ITPR1: variants seen among roughly 807,000 people sequenced by gnomAD.
ITPR1 encodes inositol 1,4,5-trisphosphate receptor type 1.
A neutral mutation model predicts 318.4 loss-of-function variants in ITPR1; 96 were observed. The ratio of observed to expected loss-of-function variants is 0.30; its 90% confidence interval spans 0.26 to 0.36. The LOEUF is 0.36. Ranked by LOEUF, ITPR1 falls within the 10% of genes least tolerant of loss-of-function variation. ITPR1 has a pLI of 1.00. For missense variants in ITPR1, 2,440 were observed against 3,460.2 expected (o/e 0.71, Z 7.40); for synonymous variants, 1,312 against 1,289.9 (o/e 1.02, Z -0.37).
intron 4 of ITPR1, among the ~76,000 whole-genome samples, chr3:4,576,916 T>C (rs1168646015): frequency 1.4e-4 from 22 of 152,228 alleles, no homozygotes; most frequent in East Asian, 1.9e-4. Flanking sequence ...TAAACACTTA[T>C]TTGTTTATTC....
chr3:4,685,784 C>G (rs1226122963), intron 30 of ITPR1, among the ~76,000 whole-genome samples: 2 of 152,212 alleles, frequency 1.3e-5, no homozygotes, highest in Non-Finnish European at 2.9e-5. Flanking sequence ...AGCAGGCTGA[C>G]AGTGCTTTGC....
chr3:4,635,258 T>A (rs962261104), intron 5 of ITPR1, among the ~76,000 whole-genome samples: 2 of 152,250 alleles, frequency 1.3e-5, no homozygotes, highest in Admixed American at 1.3e-4. Flanking sequence ...GTCAATGTTA[T>A]GTTGAGTGAA....
chr3:4,663,149 C>T lies in ITPR1; in HGVS notation c.1497C>T (p.Phe499=), dbSNP rs778521012. The T allele has an allele frequency of 3.2e-5, 52 of 1,613,700 alleles. No homozygotes were observed. In the South Asian group the frequency reaches 5.2e-4, roughly 16 times the overall value. ...NSGQDVLEVV[F]SKPNRERQKL... ...GTCAAGATGTTCTCGAAGTTGTCTT[C>T]TCCAAGCCCAACAGAGAACGGCAGA... The change falls in exon 16 of 62, where the codon TTC becomes TTT. Residue 499 remains phenylalanine, a synonymous_variant. Transcript: ENST00000649015.
At chr3:4,665,749 T>C (rs1285757053) in intron 17 of ITPR1, among the ~76,000 whole-genome samples, 2 of 152,202 alleles carry the variant, frequency 1.3e-5, no homozygotes, top group African/African-American at 4.8e-5. Flanking sequence ...ATCTTATACA[T>C]AGTTATATTT....
intron 34 of ITPR1, among the ~76,000 whole-genome samples, chr3:4,699,479 A>G (rs2094609526): frequency 1.3e-5 from 2 of 152,182 alleles, no homozygotes; most frequent in South Asian, 4.1e-4. Context: ...GTTTTCTTTT[A>G]GGGGAAATTT....
intron 4 of ITPR1, among the ~76,000 whole-genome samples, chr3:4,610,304 C>T (rs543614522): frequency 1.3e-5 from 2 of 152,046 alleles, no homozygotes; most frequent in African/African-American, 2.4e-5. Flanking sequence ...TGATGACACT[C>T]GGGGACCAGG....
At chr3:4,717,455 C>T in intron 40 of ITPR1, 56 bp downstream of exon 40, 1 of 1,357,852 alleles carries the variant, frequency 7.4e-7, no homozygotes, top group South Asian at 1.2e-5. Context: ...TTCCGTGACA[C>T]CTTCCCAGTT....
intron 40 of ITPR1, among the ~76,000 whole-genome samples, chr3:4,721,998 T>G (rs1037489160): frequency 3.3e-5 from 5 of 152,220 alleles, no homozygotes; most frequent in African/African-American, 1.2e-4. Context: ...GCTGGGTACA[T>G]TATGTGTTGC....
At chr3:4,536,678 C>T (rs576820538) in intron 4 of ITPR1, among the ~76,000 whole-genome samples, 1 of 152,258 alleles carries the variant, frequency 6.6e-6, no homozygotes, top group African/African-American at 2.4e-5. Context: ...GATCACTGTG[C>T]CCAAATAATT....
At chr3:4,761,239 T>A (rs888559942) in intron 44 of ITPR1, among the ~76,000 whole-genome samples, 2 of 152,168 alleles carry the variant, frequency 1.3e-5, no homozygotes, top group Admixed American at 6.5e-5. Flanking sequence ...GTGGTGAACA[T>A]TGTACCCAAG....
intron 24 of ITPR1, among the ~76,000 whole-genome samples, chr3:4,680,324 C>A (rs987403867): frequency 1.3e-5 from 2 of 152,142 alleles, no homozygotes; most frequent in African/African-American, 4.8e-5. Context: ...TGCCAGGATG[C>A]TGAAGCTTAC....
intron 2 of ITPR1, among the ~76,000 whole-genome samples, chr3:4,509,672 C>G (rs931461081): frequency 1.3e-5 from 2 of 152,134 alleles, no homozygotes; most frequent in Admixed American, 1.3e-4. Context: ...TGGTACGCAC[C>G]GGTAGTTCTA....
Position 4,669,776 on chromosome 3 carries a change from G to T in ITPR1, c.2006+3G>T. On this transcript the variant is annotated splice_donor_region_variant and intron_variant, in intron 19 of 61. Coordinates refer to ENST00000649015, the MANE Select transcript of ITPR1 (RefSeq NM_001378452.1). ...GCTGACATCCTGATTGAGACCAAGT[G>T]AGTGGGGAGCCAGGGTTTAGATGGA... is the stretch of plus-strand genomic sequence containing the variant. The T allele has an allele frequency of 6.2e-7, 1 of 1,607,362 alleles. No individual in the cohort carries two copies. The highest frequency in any genetic ancestry group is 1.1e-5 in the South Asian group (1 of 89,894).
At chr3:4,712,043 A>C (rs1559750959) in intron 39 of ITPR1, among the ~76,000 whole-genome samples, 175 bp downstream of exon 39, 2 of 152,242 alleles carry the variant, frequency 1.3e-5, no homozygotes, top group Non-Finnish European at 2.9e-5. Flanking sequence ...GCTAAATCAT[A>C]TGACTGTCTT....
chr3:4,593,624 A>G (rs898598064), intron 4 of ITPR1, among the ~76,000 whole-genome samples: 7 of 152,332 alleles, frequency 4.6e-5, no homozygotes, highest in African/African-American at 1.4e-4. Flanking sequence ...GGAGAATACA[A>G]AAATAAGAGG....
At chr3:4,717,247 C>G (rs2041837715) in intron 39 of ITPR1, 120 bp from the exon 40 acceptor site, 1 of 857,142 alleles carries the variant, frequency 1.2e-6, no homozygotes, top group South Asian at 1.6e-5. Context: ...GGATGGTTAC[C>G]CATCTAGCAA....
intron 4 of ITPR1, among the ~76,000 whole-genome samples, chr3:4,586,545 T>C (rs368038006): frequency 1.3e-5 from 2 of 148,560 alleles, no homozygotes. Context: ...GGTCTTGCTC[T>C]GTCACCCAGG....
chr3:4,538,155 A>G (rs1179972481), intron 4 of ITPR1, among the ~76,000 whole-genome samples: 1 of 152,232 alleles, frequency 6.6e-6, no homozygotes, highest in Non-Finnish European at 1.5e-5. Context: ...ATCTTAATCT[A>G]TAAATTCCCT....
intron 15 of ITPR1, among the ~76,000 whole-genome samples, 176 bp downstream of exon 15, chr3:4,662,418 T>C (rs914386815): frequency 6.6e-6 from 1 of 152,180 alleles, no homozygotes; most frequent in Non-Finnish European, 1.5e-5. Flanking sequence ...TGCATTCATT[T>C]TTTGAGTCTC....
Sources: gnomAD v4.1 joint callset for allele counts (sites outside exome capture counted in the v4.1 genomes callset) on GRCh38, gnomAD v4.1.1 for gene constraint, MANE v1.5 for transcripts, NCBI Gene and HGNC (gene_info 2026-07-23, HGNC 2026-07-21) for gene names.